The following DNAH9 variants were observed in gnomAD, a reference collection of about 807,000 sequenced individuals.
DNAH9 encodes DNAH9 variant protein.
Under a neutral mutation model 471.6 loss-of-function variants are expected in DNAH9, and 345 were observed. That is an observed-to-expected ratio of 0.73 (90% CI 0.67 to 0.80). DNAH9 has a LOEUF of 0.80. Among genes scored for constraint, DNAH9 ranks in the 30% least tolerant of loss-of-function variants. The pLI, the probability that DNAH9 is intolerant of heterozygous loss-of-function variation, is 0.00. For missense variants in DNAH9, 5,407 were observed against 5,609.2 expected (o/e 0.96, Z 1.15); for synonymous variants, 2,093 against 2,123.6 (o/e 0.99, Z 0.40).
chr17:11,726,938 C>G (rs1179365353), intron 27 of DNAH9, among the ~76,000 whole-genome samples: 2 of 151,020 alleles, frequency 1.3e-5, no homozygotes, highest in Non-Finnish European at 2.9e-5. Flanking sequence ...ATCGCAGCTA[C>G]TCGGGAGGCT....
intron 23 of DNAH9, 72 bp downstream of exon 23, chr17:11,699,955 C>A: frequency 6.6e-7 from 1 of 1,510,812 alleles, no homozygotes; most frequent in Non-Finnish European, 9.1e-7. Flanking sequence ...TGATCAGCAT[C>A]AACTCTAGGA....
At position 11,923,905 on chromosome 17, in the gene DNAH9, C is replaced by T; in HGVS notation, c.11841C>T (p.Asp3947=). The T allele has an allele frequency of 6.2e-7, 1 of 1,614,042 alleles. No individual in the cohort carries two copies. Among genetic ancestry groups the T allele is most frequent in the Non-Finnish European group, 8.5e-7 (1 of 1,179,972 alleles). The change falls in exon 62 of 69, where the codon GAC becomes GAT. Residue 3947 remains aspartate, a synonymous_variant. Transcript: ENST00000262442. ...AAGTGGTGGCTGAGGCTGCGCTGGACCTCGCTGCCAAGAAAGGTCACTGGG... is the reference window on the plus strand; with the variant it reads ...AAGTGGTGGCTGAGGCTGCGCTGGATCTCGCTGCCAAGAAAGGTCACTGGG... ...GQEVVAEAAL[D]LAAKKGHWVI...
rs138223428 is a variant in DNAH9, at chr17:11,741,439, A to G, written c.5973-736A>G. ...ATCGAAAGTAATGGCACAAACCGCA[A>G]TTATTTTTGCACCATCTTAATACAT... On this transcript the variant is annotated intron_variant, in intron 29 of 68. Coordinates refer to ENST00000262442, the MANE Select transcript of DNAH9 (RefSeq NM_001372.4). 3.8e-3 allele frequency among the ~76,000 whole-genome samples: 580 copies of G among 152,142 alleles called. 6 individuals are homozygous for G. Among genetic ancestry groups the G allele is most frequent in the African/African-American group, 0.013 (552 of 41,394 alleles).
chr17:11,601,057 C>T (rs982210192), intron 1 of DNAH9, among the ~76,000 whole-genome samples: 2 of 152,194 alleles, frequency 1.3e-5, no homozygotes, highest in East Asian at 1.9e-4. Context: ...GTATTTGTTC[C>T]TTCTGACTGA....
In DNAH9 at chr17:11,690,183, A is replaced by T; in HGVS notation, c.4361A>T (p.His1454Leu). ...WAGMEFQYEP[H>L]PRTNVPLLCS... ...GGCATGGAATTCCAGTATGAGCCCC[A>T]CCCACGGACCAATGTCCCCCTCCTG... Residue 1454 changes from histidine (H) to leucine (L), a missense_variant, in exon 20 of 69, where the codon CAC becomes CTC. By Grantham distance (99) the His-to-Leu change is moderately conservative. This residue lies in a region of DNAH9 where 4,636 missense variants were observed against 4,900.3 expected (regional missense o/e 0.95). Coordinates refer to ENST00000262442, the MANE Select transcript of DNAH9 (RefSeq NM_001372.4). 6.2e-7 allele frequency: 1 copy of T among 1,614,178 alleles called. No individual in the cohort carries two copies. Among genetic ancestry groups the T allele is most frequent in the Non-Finnish European group, 8.5e-7 (1 of 1,180,036 alleles).
chr17:11,867,979 T>C (rs1972118885), intron 50 of DNAH9, among the ~76,000 whole-genome samples: 1 of 152,212 alleles, frequency 6.6e-6, no homozygotes, highest in Admixed American at 6.5e-5. Flanking sequence ...TATAGGGCTC[T>C]GTGTGCTGAT....
Position 11,854,239 on chromosome 17 carries a change from C to G in DNAH9, c.9744C>G (p.Pro3248=), listed in dbSNP as rs12449553. The change falls in exon 50 of 69, where the codon CCC becomes CCG. Residue 3248 remains proline, a synonymous_variant. Transcript: ENST00000262442. ...CCATCAGGCCGTATCTGCAAGACCC[C>G]GAGTTCAATCCTGAGTTTGTGGCCA... ...LKAIRPYLQD[P]EFNPEFVATK... 668,342 of 1,613,906 alleles carry G rather than the reference C, an allele frequency of 0.41. 141,008 individuals carry two copies. The highest frequency in any genetic ancestry group is 0.62 in the Admixed American group (37,411 of 60,002).
rs761547318 is a variant in DNAH9 at position 11,669,584 on chromosome 17, T to C, written c.3143T>C (p.Ile1048Thr). Residue 1048 changes from isoleucine (I) to threonine (T), a missense_variant, in exon 17 of 69, where the codon ATC becomes ACC. Transcript: ENST00000262442. ...EEIEDHVEDG[I>T]PENPPLLSQF... is the part of the protein sequence containing the mutation. ...ATTGAAGACCATGTGGAAGATGGCA[T>C]CCCAGAGAACCCTCCCCTCCTTTCT... 1.2e-6 allele frequency: 2 copies of C among 1,614,038 alleles called. No homozygotes were observed. Among genetic ancestry groups the C allele is most frequent in the African/African-American group, 2.7e-5 (2 of 74,918 alleles).
chr17:11,813,181 G>A (rs189402191), intron 45 of DNAH9, among the ~76,000 whole-genome samples: 48 of 151,740 alleles, frequency 3.2e-4, no homozygotes, highest in African/African-American at 1.0e-3. Flanking sequence ...GCAATCAGCC[G>A]GTTCCAAAGT....
chr17:11,600,696 G>A lies in DNAH9; in HGVS notation c.417+1781G>A, dbSNP rs140516785. 7.4e-3 allele frequency among the ~76,000 whole-genome samples: 1,121 copies of A among 152,188 alleles called. 12 individuals carry two copies. The highest frequency in any genetic ancestry group is 0.012 in the Non-Finnish European group (800 of 67,998). ...AGGGTCTTGCTATGTTGACCAGGCT[G>A]GTTTCAAACTCCTAGACTCAAGTGA... On this transcript the variant is annotated intron_variant, in intron 1 of 68. Coordinates refer to ENST00000262442, the MANE Select transcript of DNAH9 (RefSeq NM_001372.4).
chr17:11,812,270 G>A (rs1455647940), intron 45 of DNAH9, among the ~76,000 whole-genome samples: 1 of 150,844 alleles, frequency 6.6e-6, no homozygotes, highest in Admixed American at 6.7e-5. Context: ...CAGACTTCCA[G>A]CATCTCAAAA....
intron 67 of DNAH9, among the ~76,000 whole-genome samples, chr17:11,949,860 G>C (rs1975297505): frequency 6.6e-6 from 1 of 152,094 alleles, no homozygotes; most frequent in Non-Finnish European, 1.5e-5. Context: ...GACAAGCTGA[G>C]ACAGAACATT....
At position 11,854,285 on chromosome 17, in the gene DNAH9, G is replaced by A. The variant is rs146273788; in HGVS notation, c.9790G>A (p.Gly3264Ser). The A allele has an allele frequency of 6.2e-7, 1 of 1,614,166 alleles. No homozygotes were observed. Among genetic ancestry groups the A allele is most frequent in the South Asian group, 1.1e-5 (1 of 91,080 alleles). Residue 3264 changes from glycine (G) to serine (S), a missense_variant, in exon 50 of 69, where the codon GGC (glycine) becomes AGC (serine). Physicochemically the swap from Gly to Ser is moderately conservative, Grantham distance 56. Coordinates refer to ENST00000262442, the MANE Select transcript of DNAH9 (RefSeq NM_001372.4). The part of the protein sequence containing the change: ...FVATKSYAAA[G>S]LCSWVINIVR... The stretch of plus-strand genomic sequence containing the variant: ...GGCCACCAAATCCTATGCGGCTGCA[G>A]GCCTCTGCTCCTGGGTCATCAATAT...
intron 49 of DNAH9, among the ~76,000 whole-genome samples, chr17:11,840,174 C>A (rs1278906176): frequency 6.6e-6 from 1 of 152,146 alleles, no homozygotes; most frequent in Non-Finnish European, 1.5e-5. Flanking sequence ...AAATGTCCAT[C>A]GACATTATAC....
intron 67 of DNAH9, among the ~76,000 whole-genome samples, chr17:11,946,937 A>G (rs1028902441): frequency 1.3e-5 from 2 of 152,212 alleles, no homozygotes; most frequent in African/African-American, 4.8e-5. Flanking sequence ...CACTGTTAGC[A>G]TTCATGAAAA....
At chr17:11,788,118 C>T (rs926783878) in intron 41 of DNAH9, among the ~76,000 whole-genome samples, 2 of 152,290 alleles carry the variant, frequency 1.3e-5, no homozygotes, top group Admixed American at 1.3e-4. Flanking sequence ...TTGTCAACCA[C>T]CCTGACTATT....
At chr17:11,762,866 G>A (rs574353399) in intron 35 of DNAH9, among the ~76,000 whole-genome samples, 7 of 139,972 alleles carry the variant, frequency 5.0e-5, no homozygotes, top group East Asian at 2.3e-4. Context: ...TGCAAGCTCC[G>A]CCTCCCGGGT....
At chr17:11,812,532 A>C (rs967360583) in intron 45 of DNAH9, among the ~76,000 whole-genome samples, 1 of 152,108 alleles carries the variant, frequency 6.6e-6, no homozygotes, top group Non-Finnish European at 1.5e-5. Flanking sequence ...CCATGCCATC[A>C]TGCTGTCATT....
intron 61 of DNAH9, among the ~76,000 whole-genome samples, chr17:11,920,036 T>TTTCTTTC (rs1043517522): frequency 9.0e-5 from 7 of 77,782 alleles, no homozygotes; most frequent in East Asian, 6.9e-4. Flanking sequence ...AAGTTCTTTC[T>TTTCTTTC]TTTTTTTTTT....
Sources: allele counts gnomAD v4.1 joint callset (sites outside exome capture counted in the v4.1 genomes callset), GRCh38; gene constraint gnomAD v4.1.1; regional missense constraint gnomAD v4.1.1; transcripts MANE v1.5; gene names NCBI Gene and HGNC (gene_info 2026-07-23, HGNC 2026-07-21).